CACNA1A: variants seen among roughly 807,000 people sequenced by gnomAD.
CACNA1A encodes the protein calcium voltage-gated channel subunit alpha1 A, also known as voltage-dependent P/Q-type calcium channel subunit alpha-1A.
Under a neutral mutation model 262.4 loss-of-function variants are expected in CACNA1A, and 57 were observed. That is an observed-to-expected ratio of 0.22 (90% CI 0.18 to 0.27). CACNA1A has a LOEUF of 0.27. Ranked by LOEUF, CACNA1A falls within the 10% of genes least tolerant of loss-of-function variation. The pLI is 1.00. For synonymous variants in CACNA1A, 1,431 were observed against 1,419.3 expected, an observed-to-expected ratio of 1.01 and a Z score of -0.18; for missense variants, 2,526 against 3,562.8, an observed-to-expected ratio of 0.71 and a Z score of 7.41.
rs538273580 is a variant in CACNA1A, at chr19:13,461,945, A to G, written c.294-6733T>C. 2.7e-3 allele frequency among the ~76,000 whole-genome samples: 416 copies of G among 152,266 alleles called. 4 individuals carry two copies. The highest frequency in any genetic ancestry group is 4.1e-3 in the Non-Finnish European group (276 of 68,022). ...TGAGGAGACACAGAGCTCTATACAC[A>G]ATGAAATTGATCAGGACCTGCAGAG... On this transcript the variant is annotated intron_variant, in intron 1 of 46. Transcript: ENST00000360228.
intron 24 of CACNA1A, among the ~76,000 whole-genome samples, chr19:13,267,772 G>C (rs2056898404): frequency 6.6e-6 from 1 of 151,784 alleles, no homozygotes; most frequent in South Asian, 2.1e-4. Context: ...GGGAGACCCT[G>C]TCTCTCTCCT....
At chr19:13,318,305 C>T (rs1240612394) in intron 10 of CACNA1A, among the ~76,000 whole-genome samples, 2 of 151,984 alleles carry the variant, frequency 1.3e-5, no homozygotes, top group African/African-American at 4.8e-5. Context: ...ATGTGTCTGC[C>T]CGACATTTTT....
chr19:13,208,667 C>T lies in CACNA1A; in HGVS notation c.6780+89G>A, dbSNP rs2054672213. ...CACAGCCGGGATCCGGGGACCTTTG[C>T]CTAGAGTGGCTGTTGGATGGGGTAT... On this transcript the variant is annotated intron_variant, in intron 46 of 46. Transcript: ENST00000360228. 9 of 1,425,270 alleles carry T rather than the reference C, an allele frequency of 6.3e-6. No individual in the cohort carries two copies. In the East Asian group the frequency reaches 7.4e-5, roughly 12 times the overall value. The allele number at this position is 1,425,270 out of a possible 1,614,324, so 88.3% of individuals were successfully genotyped here.
At chr19:13,219,671 G>A (rs1032137576) in intron 38 of CACNA1A, among the ~76,000 whole-genome samples, 3 of 152,028 alleles carry the variant, frequency 2.0e-5, no homozygotes, top group Non-Finnish European at 4.4e-5. Flanking sequence ...TAAAATACCG[G>A]AGGCCCGGTG....
intron 24 of CACNA1A, among the ~76,000 whole-genome samples, chr19:13,265,570 G>A (rs1246470816): frequency 3.3e-5 from 5 of 152,098 alleles, no homozygotes; most frequent in Admixed American, 6.5e-5. Context: ...TGAGACACAC[G>A]TTGGACAGTC....
chr19:13,211,295 TCTC>T (rs2054801839), intron 43 of CACNA1A: 2 of 154,512 alleles, frequency 1.3e-5, no homozygotes, highest in Admixed American at 1.3e-4. Context: ...CATGCCCTGT[TCTC>T]CTCCAGAGGC....
intron 36 of CACNA1A, 60 bp from the exon 37 acceptor site, chr19:13,227,587 G>A (rs1177012032): frequency 6.8e-6 from 6 of 876,566 alleles, no homozygotes; most frequent in African/African-American, 3.4e-5. Flanking sequence ...ACGGGAATGG[G>A]AACAGAGAAC....
At chr19:13,408,575 C>T (rs998929371) in intron 3 of CACNA1A, among the ~76,000 whole-genome samples, 14 of 152,208 alleles carry the variant, frequency 9.2e-5, no homozygotes, top group Non-Finnish European at 2.1e-4. Context: ...TCAGATTATA[C>T]CACTGTGTGT....
At chr19:13,400,332 T>C (rs1053292502) in intron 3 of CACNA1A, among the ~76,000 whole-genome samples, 1 of 152,198 alleles carries the variant, frequency 6.6e-6, no homozygotes, top group African/African-American at 2.4e-5. Context: ...ATTTATATTT[T>C]CAAATTATGA....
rs372144246 is a variant in CACNA1A at position 13,252,952 on chromosome 19, C to T, written c.4866+39G>A. ...GGACCCATTGTTCCCCCTTGGGCTT[C>T]TCCCAAGCCCATAGCTGTAGCCCCA... is the stretch of plus-strand genomic sequence containing the variant. On this transcript the variant is annotated intron_variant, in intron 30 of 46. Transcript: ENST00000360228. The T allele has an allele frequency of 2.6e-5, 36 of 1,375,202 alleles. 1 individual carries two copies. The highest frequency in any genetic ancestry group is 5.1e-5 in the Admixed American group (3 of 58,934). 85.2% of individuals were successfully genotyped at this position (1,375,202 alleles called of 1,614,324 possible).
chr19:13,477,961 A>T (rs1217640984), intron 1 of CACNA1A, among the ~76,000 whole-genome samples: 2 of 152,152 alleles, frequency 1.3e-5, no homozygotes, highest in Admixed American at 1.3e-4. Context: ...CCACATCTGC[A>T]AATGTGTGGG....
At chr19:13,287,819 T>G (rs945503004) in intron 19 of CACNA1A, among the ~76,000 whole-genome samples, 3 of 151,602 alleles carry the variant, frequency 2.0e-5, no homozygotes, top group South Asian at 4.2e-4. Context: ...TTTTTTTTTT[T>G]TCAGACAGGG....
intron 3 of CACNA1A, among the ~76,000 whole-genome samples, chr19:13,441,559 T>TG (rs1228071850): frequency 6.7e-6 from 1 of 149,692 alleles, no homozygotes; most frequent in Non-Finnish European, 1.5e-5. Flanking sequence ...CCCAGCTACT[T>TG]GGGAGGCTGA....
chr19:13,450,169 G>GGTTGTGTTTT (rs1465376902), intron 3 of CACNA1A, among the ~76,000 whole-genome samples: 7 of 147,360 alleles, frequency 4.8e-5, no homozygotes, highest in Non-Finnish European at 1.0e-4. Context: ...AAAAGAGAAA[G>GGTTGTGTTTT]GTTGTGTTTT....
At chr19:13,289,235 A>G (rs570218675) in intron 19 of CACNA1A, among the ~76,000 whole-genome samples, 3 of 144,480 alleles carry the variant, frequency 2.1e-5, no homozygotes, top group Non-Finnish European at 4.5e-5. Flanking sequence ...GCCACCTCCC[A>G]GGCTCAGGCA....
At chr19:13,427,799 AAAC>A (rs2060431104) in intron 3 of CACNA1A, among the ~76,000 whole-genome samples, 1 of 152,094 alleles carries the variant, frequency 6.6e-6, no homozygotes, top group Non-Finnish European at 1.5e-5. Context: ...ACAAACAAAC[AAAC>A]AAACATACAC....
At chr19:13,499,927 AAAGTG>A (rs1422644471) in intron 1 of CACNA1A, among the ~76,000 whole-genome samples, 3 of 151,814 alleles carry the variant, frequency 2.0e-5, no homozygotes, top group Non-Finnish European at 4.4e-5. Context: ...TATTGCTGAG[AAAGTG>A]TATATGTGTG....
In CACNA1A at chr19:13,207,519, G is replaced by A; in HGVS notation, c.7315C>T (p.Pro2439Ser). 1.4e-6 allele frequency: 2 copies of A among 1,435,428 alleles called. No homozygotes were observed. The highest frequency in any genetic ancestry group is 1.8e-6 in the Non-Finnish European group (2 of 1,096,960). 88.9% of individuals were successfully genotyped at this position (1,435,428 alleles called of 1,614,324 possible). A position where few individuals can be genotyped will look rare whatever the true frequency, so the allele number is the denominator to read the frequency against. The change falls in exon 47 of 47, where the codon CCC becomes TCC. Residue 2439 changes from proline to serine, a missense_variant. By Grantham distance (74) the Pro-to-Ser change is moderately conservative. Around this residue, in one of 17 missense-constraint regions of CACNA1A, gnomAD observed 929 missense variants for 868.1 expected, o/e 1.07. Transcript: ENST00000360228. The surrounding 1 kb of genome is among the most constrained non-coding windows in gnomAD (Gnocchi z 5.7). ...GCGCCCGAGGACGCGTGTCGTACGG[G>A]GGGTGGCGCGTCGTAGGCCCCGGCC... ...AMAGAYDAPP[P>S]VRHASSGATG...
Position 13,235,715 on chromosome 19 carries a change from G to A in CACNA1A, c.4966C>T (p.Leu1656=), listed in dbSNP as rs756855466. 1 of 1,613,430 alleles carries A rather than the reference G, an allele frequency of 6.2e-7. No individual in the cohort carries two copies. The highest frequency in any genetic ancestry group is 2.2e-5 in the East Asian group (1 of 44,868). The change falls in exon 32 of 47, where the codon CTG becomes TTG. Residue 1656 remains leucine (L), a synonymous_variant. Transcript: ENST00000360228. ...GCTCGGAAGAGGCGGAGAAAGCTCAGGTTGATGAAGTTATTCTGGGGAGAT... is the reference window on the plus strand; with the variant it reads ...GCTCGGAAGAGGCGGAGAAAGCTCAAGTTGATGAAGTTATTCTGGGGAGAT... ...VTEFGNNFIN[L]SFLRLFRAAR...
Sources: gnomAD v4.1 joint callset for allele counts (sites outside exome capture counted in the v4.1 genomes callset) on GRCh38, gnomAD v4.1.1 for gene constraint, gnomAD v4.1.1 regional missense constraint, Gnocchi (gnomAD v3.1) non-coding constraint, MANE v1.5 for transcripts, NCBI Gene and HGNC (gene_info 2026-07-23, HGNC 2026-07-21) for gene names.